Variants in IKBIP observed in about 807,000 individuals in gnomAD.
The protein encoded by IKBIP is inhibitor of nuclear factor kappa-B kinase-interacting protein.
In IKBIP, 28 loss-of-function variants were observed where a neutral mutation model predicts 31.0. The observed-to-expected ratio is 0.90, with a 90% CI of 0.67 to 1.24. IKBIP has a LOEUF of 1.24. Ranked by LOEUF, IKBIP falls within the 50% of genes most tolerant of loss-of-function variation. IKBIP has a pLI of 0.00. For synonymous variants in IKBIP, 164 were observed against 160.3 expected (o/e 1.02, Z -0.17); for missense variants, 453 against 441.9 (o/e 1.03, Z -0.23).
chr12:98,642,956 G>A (rs1194743074), intron 1 of IKBIP, among the ~76,000 whole-genome samples: 1 of 139,496 alleles, frequency 7.2e-6, no homozygotes, highest in Non-Finnish European at 1.5e-5. Flanking sequence ...ACAAAATTTT[G>A]TTTGTTTGTT....
chr12:98,636,792 T>A (rs919134707), intron 1 of IKBIP, among the ~76,000 whole-genome samples: 1 of 146,084 alleles, frequency 6.8e-6, no homozygotes, highest in Non-Finnish European at 1.5e-5. Flanking sequence ...CTTTTAGGAT[T>A]TTTTTTTTTT....
intron 1 of IKBIP, among the ~76,000 whole-genome samples, chr12:98,639,562 A>G (rs1226460709): frequency 6.6e-6 from 1 of 152,228 alleles, no homozygotes; most frequent in Non-Finnish European, 1.5e-5. Flanking sequence ...ATTGCAGTCT[A>G]TAGAGACCTC....
intron 2 of IKBIP, among the ~76,000 whole-genome samples, chr12:98,629,068 A>C (rs2097617502): frequency 6.6e-6 from 1 of 152,196 alleles, no homozygotes; most frequent in South Asian, 2.1e-4. Flanking sequence ...AAAGCTTCTA[A>C]ATTTCAAAGG....
At chr12:98,633,798 T>C (rs988658000) in intron 2 of IKBIP, among the ~76,000 whole-genome samples, 1 of 152,224 alleles carries the variant, frequency 6.6e-6, no homozygotes, top group Non-Finnish European at 1.5e-5. Flanking sequence ...ATTAAAGGCA[T>C]GAGCCACTAC....
At chr12:98,629,010 T>C (rs559532983) in intron 2 of IKBIP, among the ~76,000 whole-genome samples, 29 of 152,240 alleles carry the variant, frequency 1.9e-4, no homozygotes, top group African/African-American at 6.5e-4. Flanking sequence ...GGCTCCAAAA[T>C]TGGAATCATT....
chr12:98,641,146 T>A (rs2097630043), intron 1 of IKBIP, among the ~76,000 whole-genome samples: 1 of 152,174 alleles, frequency 6.6e-6, no homozygotes, highest in African/African-American at 2.4e-5. Flanking sequence ...TCTTTCCACA[T>A]AGGAAATGGT....
In IKBIP at chr12:98,625,780, C is replaced by T. The variant is rs1429485797; in HGVS notation, c.*150G>A. 2 of 528,992 alleles carry T rather than the reference C, an allele frequency of 3.8e-6. No individual in the cohort carries two copies. Among genetic ancestry groups the T allele is most frequent in the East Asian group, 3.7e-5 (1 of 26,948 alleles). 32.8% of individuals were successfully genotyped at this position (528,992 alleles called of 1,614,324 possible). On this transcript the variant is annotated 3_prime_UTR_variant, in exon 3 of 3. Transcript: ENST00000299157. ...AAGTTTTAGTGCTTAAAAAGATAAG[C>T]TTTGATTATGTGGATAATCCATTTG...
chr12:98,620,601 G>A (rs531780878), downstream of IKBIP, among the ~76,000 whole-genome samples: 74 of 151,868 alleles, frequency 4.9e-4, no homozygotes, highest in South Asian at 0.012. Context: ...TCCTGACCTC[G>A]TGATCCACCC....
At chr12:98,641,312 C>G (rs1411434521) in intron 1 of IKBIP, among the ~76,000 whole-genome samples, 1 of 152,070 alleles carries the variant, frequency 6.6e-6, no homozygotes, top group Non-Finnish European at 1.5e-5. Flanking sequence ...TTTTAACCAC[C>G]AGGGCCGTGT....
At chr12:98,642,973 G>A (rs2097631975) in intron 1 of IKBIP, among the ~76,000 whole-genome samples, 1 of 151,312 alleles carries the variant, frequency 6.6e-6, no homozygotes, top group Non-Finnish European at 1.5e-5. Flanking sequence ...TGTTTTTTGA[G>A]ATGGAGTCTC....
At chr12:98,628,298 A>G (rs1422648488) in intron 2 of IKBIP, among the ~76,000 whole-genome samples, 1 of 152,246 alleles carries the variant, frequency 6.6e-6, no homozygotes, top group Non-Finnish European at 1.5e-5. Flanking sequence ...TAGAAAAAGT[A>G]ATATCTAATA....
chr12:98,624,001 T>C (rs374865151), downstream of IKBIP, among the ~76,000 whole-genome samples: 1 of 151,332 alleles, frequency 6.6e-6, no homozygotes, highest in South Asian at 2.1e-4. Flanking sequence ...ATATATACTT[T>C]AATAGTTTTC....
downstream of IKBIP, among the ~76,000 whole-genome samples, chr12:98,621,712 G>A (rs1009003519): frequency 6.6e-6 from 1 of 152,052 alleles, no homozygotes; most frequent in Admixed American, 6.6e-5. Context: ...CTAATAGCTA[G>A]TAAAGGTGTA....
intron 2 of IKBIP, among the ~76,000 whole-genome samples, chr12:98,618,046 A>C (rs992017814): frequency 6.6e-6 from 1 of 152,180 alleles, no homozygotes; most frequent in African/African-American, 2.4e-5. Context: ...ATGTCGATAA[A>C]TGTGTTACTT....
rs909390207 is a variant in IKBIP at position 98,626,166 on chromosome 12, A to G, written c.898T>C (p.Leu300=). 3 of 1,613,552 alleles carry G rather than the reference A, an allele frequency of 1.9e-6. No individual in the cohort carries two copies. Among genetic ancestry groups the G allele is most frequent in the African/African-American group, 2.7e-5 (2 of 74,918 alleles). ...TCCATATTAAACATCTGCATAGTCA[A>G]GTCTTCCATTTTCTTTTCTGTTTCT... ...LIETEKKMED[L]TMQMFNMEDD... The change falls in exon 3 of 3, where the codon TTG becomes CTG. Residue 300 remains leucine, a synonymous_variant. Coordinates refer to ENST00000299157, the MANE Select transcript of IKBIP (RefSeq NM_153687.4).
intron 1 of IKBIP, among the ~76,000 whole-genome samples, chr12:98,643,812 G>GTTTCCTTTTTTTTTTTTTTTTCC: frequency 7.6e-6 from 1 of 131,126 alleles, no homozygotes; most frequent in East Asian, 2.4e-4. Flanking sequence ...TAATGATATG[G>GTTTCCTTTTTTTTTTTTTTTTCC]TTTTCTTTTT....
At chr12:98,614,416 T>C in intron 2 of IKBIP, 1 of 822,692 alleles carries the variant, frequency 1.2e-6, no homozygotes, top group Non-Finnish European at 1.7e-6. Flanking sequence ...AAATTTTATA[T>C]TTCTTTTTAA....
intron 2 of IKBIP, among the ~76,000 whole-genome samples, chr12:98,630,931 T>C (rs982375061): frequency 6.6e-5 from 3 of 45,190 alleles, no homozygotes; most frequent in Non-Finnish European, 1.2e-4. Flanking sequence ...TTCTTTTTTT[T>C]CTTTTCATTT....
chr12:98,629,232 T>C (rs2097617676), intron 2 of IKBIP, among the ~76,000 whole-genome samples: 1 of 152,222 alleles, frequency 6.6e-6, no homozygotes, highest in African/African-American at 2.4e-5. Flanking sequence ...AACACCACTC[T>C]GAAATGTTGT....
Sources: gnomAD v4.1 joint callset for allele counts (sites outside exome capture counted in the v4.1 genomes callset) on GRCh38, gnomAD v4.1.1 for gene constraint, MANE v1.5 for transcripts, NCBI Gene and HGNC (gene_info 2026-07-23, HGNC 2026-07-21) for gene names.